AMN1: variants seen among roughly 807,000 people sequenced by gnomAD.
AMN1 encodes the protein antagonist of mitotic exit network 1 homolog.
AMN1 carries 20 observed loss-of-function variants against 33.0 expected under a neutral mutation model. That is an observed-to-expected ratio of 0.61 (90% CI 0.43 to 0.88). The LOEUF (loss-of-function observed/expected upper bound fraction) is 0.88, where lower values mean the gene tolerates loss of function less well. AMN1 is among the 40% of genes least tolerant of loss of function. The pLI, the probability that AMN1 is intolerant of heterozygous loss-of-function variation, is 0.00. For synonymous variants in AMN1, 114 were observed against 111.9 expected (o/e 1.02, Z -0.12); for missense variants, 246 against 307.4 (o/e 0.80, Z 1.49).
chr12:31,695,945 T>G (rs1233230525), intron 5 of AMN1, among the ~76,000 whole-genome samples: 1 of 152,028 alleles, frequency 6.6e-6, no homozygotes, highest in Non-Finnish European at 1.5e-5. Flanking sequence ...GTTGGCTTTT[T>G]AAAAAATGTA....
chr12:31,725,594 A>C (rs902264464), intron 1 of AMN1, among the ~76,000 whole-genome samples: 5 of 152,098 alleles, frequency 3.3e-5, no homozygotes, highest in Non-Finnish European at 7.4e-5. Context: ...TTTTCTCTCT[A>C]TAGCCCTCTT....
rs79382386 is a variant in AMN1 at position 31,712,706 on chromosome 12, A to G, written c.39-3281T>C. 2.0e-5 allele frequency among the ~76,000 whole-genome samples: 3 copies of G among 151,998 alleles called. No homozygotes were observed. The East Asian group carries it at 5.8e-4, about 29-fold the overall frequency. Reference sequence around the variant, plus strand: ...GAGTCTTGCTCTGTTGCCAGGCTGGAGTGCAGTGGCACAATCTCAGCTCAC... The same window carrying G: ...GAGTCTTGCTCTGTTGCCAGGCTGGGGTGCAGTGGCACAATCTCAGCTCAC... On this transcript the variant is annotated intron_variant, in intron 1 of 6. Transcript: ENST00000281471.
chr12:31,715,499 C>A (rs1302103118), intron 1 of AMN1: 3 of 179,286 alleles, frequency 1.7e-5, no homozygotes, highest in Non-Finnish European at 3.6e-5. Flanking sequence ...TTCTCTTCTG[C>A]TATTTCACTG....
intron 6 of AMN1, among the ~76,000 whole-genome samples, chr12:31,678,545 C>T (rs1937845649): frequency 6.6e-6 from 1 of 151,968 alleles, no homozygotes; most frequent in African/African-American, 2.4e-5. Flanking sequence ...TACAGGTGCC[C>T]ACCACCACAC....
chr12:31,705,783 A>G (rs1051183735), intron 2 of AMN1, among the ~76,000 whole-genome samples: 4 of 152,170 alleles, frequency 2.6e-5, no homozygotes, highest in Non-Finnish European at 5.9e-5. Context: ...TCCTGTGCAG[A>G]CAACATACAA....
At chr12:31,688,931 G>T in intron 6 of AMN1, 76 bp downstream of exon 6, 1 of 871,038 alleles carries the variant, frequency 1.1e-6, no homozygotes, top group Non-Finnish European at 1.8e-6. Flanking sequence ...TAATGAAATG[G>T]GTTAAGTAAT....
chr12:31,690,510 T>C (rs1938456415), intron 5 of AMN1, among the ~76,000 whole-genome samples: 1 of 152,212 alleles, frequency 6.6e-6, no homozygotes, highest in East Asian at 1.9e-4. Context: ...TAATCACAAA[T>C]GATGTTGAGC....
chr12:31,674,689 A>C (rs1338353892), intron 6 of AMN1, among the ~76,000 whole-genome samples: 5 of 152,116 alleles, frequency 3.3e-5, no homozygotes, highest in African/African-American at 4.8e-5. Context: ...TAATAGAACA[A>C]AGAACTAAAA....
intron 1 of AMN1, among the ~76,000 whole-genome samples, 178 bp from the exon 2 acceptor site, chr12:31,709,603 G>C (rs1276822199): frequency 6.6e-6 from 1 of 152,138 alleles, no homozygotes; most frequent in African/African-American, 2.4e-5. Flanking sequence ...AGGATGGCTT[G>C]AGCTCAGGAG....
intron 1 of AMN1, 78 bp downstream of exon 1, chr12:31,728,892 AG>A: frequency 6.9e-7 from 1 of 1,444,874 alleles, no homozygotes; most frequent in Non-Finnish European, 9.3e-7. Context: ...AGGGGCGGGG[AG>A]GAAGAGCAGC....
chr12:31,697,750 GAAA>G lies in AMN1; in HGVS notation c.521_523del (p.Phe174del), dbSNP rs1329503542. On this transcript the variant is annotated inframe_deletion, in exon 4 of 7. Coordinates refer to ENST00000281471, the MANE Select transcript of AMN1 (RefSeq NM_001113402.2). ...CTATATGTCATTTACCTGAGTAGCT[GAAA>G]AGTCGACACACTGCAAAAATGGGCA... The G allele has an allele frequency of 1.2e-6, 2 of 1,613,896 alleles. No homozygotes were observed. The highest frequency in any genetic ancestry group is 3.3e-5 in the Admixed American group (2 of 60,012).
intron 6 of AMN1, among the ~76,000 whole-genome samples, chr12:31,678,689 T>C (rs77121668): frequency 0.018 from 2,747 of 152,226 alleles, 74 homozygotes; most frequent in African/African-American, 0.062. Flanking sequence ...GCCACCACCG[T>C]GCCCGGCCAA....
intron 5 of AMN1, among the ~76,000 whole-genome samples, chr12:31,691,914 G>A (rs1165535912): frequency 6.6e-6 from 1 of 151,910 alleles, no homozygotes; most frequent in African/African-American, 2.4e-5. Flanking sequence ...TTTCATTCTT[G>A]TTGCCCAGGC....
At position 31,693,441 on chromosome 12, in the gene AMN1, G is replaced by A. The variant is rs531256132; in HGVS notation, c.591+3920C>T. Among the ~76,000 whole-genome samples the A allele has an allele frequency of 7.2e-5, 11 of 152,074 alleles. No homozygotes were observed. In the South Asian group the frequency reaches 1.0e-3, roughly 14 times the overall value. On this transcript the variant is annotated intron_variant, in intron 5 of 6. Coordinates refer to ENST00000281471, the MANE Select transcript of AMN1 (RefSeq NM_001113402.2). The stretch of plus-strand genomic sequence containing the variant: ...AGGTTTCTCCATGTTGGTCAGGCTC[G>A]TCTCTGAACTCCCAGCTTCATGTGA...
At chr12:31,722,481 C>T (rs1436571822) in intron 1 of AMN1, among the ~76,000 whole-genome samples, 1 of 152,120 alleles carries the variant, frequency 6.6e-6, no homozygotes, top group Non-Finnish European at 1.5e-5. Context: ...ACTCTACCTC[C>T]TTCACACTCT....
At chr12:31,678,723 A>AT (rs1305651742) in intron 6 of AMN1, among the ~76,000 whole-genome samples, 2 of 152,140 alleles carry the variant, frequency 1.3e-5, no homozygotes, top group South Asian at 2.1e-4. Context: ...TTAACAAAGT[A>AT]TTTTTTTCAA....
Position 31,687,144 on chromosome 12 carries a change from G to A in AMN1, c.703+1863C>T, listed in dbSNP as rs947944017. ...ACCCACCTTAGCCTCCCACAGTGCTGGGATTACAGGCATAAACCACTGCAC... is the reference window on the plus strand; with the variant it reads ...ACCCACCTTAGCCTCCCACAGTGCTAGGATTACAGGCATAAACCACTGCAC... On this transcript the variant is annotated intron_variant, in intron 6 of 6. Transcript: ENST00000281471. The surrounding 1 kb of genome is among the most constrained non-coding windows in gnomAD (Gnocchi z 4.1). Among the ~76,000 whole-genome samples the A allele has an allele frequency of 6.6e-6, 1 of 151,922 alleles. No homozygotes were observed. Among genetic ancestry groups the A allele is most frequent in the African/African-American group, 2.4e-5 (1 of 41,366 alleles).
At position 31,713,944 on chromosome 12, in the gene AMN1, A is replaced by G. The variant is rs142063870; in HGVS notation, c.39-4519T>C. Among the ~76,000 whole-genome samples the G allele has an allele frequency of 3.5e-4, 54 of 152,238 alleles. 1 individual carries two copies. The East Asian group carries it at 0.01, about 28-fold the overall frequency. On this transcript the variant is annotated intron_variant, in intron 1 of 6. Coordinates refer to ENST00000281471, the MANE Select transcript of AMN1 (RefSeq NM_001113402.2). ...ATCTCTGTTTGTAGAGACAATTACT[A>G]CCATAAAGTTTTAAAAATAGTTCCT...
rs1379552253 is a variant in AMN1 at position 31,728,995 on chromosome 12, C to T, written c.14G>A (p.Arg5Gln). The T allele has an allele frequency of 5.2e-6, 8 of 1,545,222 alleles. No homozygotes were observed. The highest frequency in any genetic ancestry group is 1.4e-5 in the African/African-American group (1 of 73,026). MPRP[R>Q]RVSQLLDLCL... The stretch of plus-strand genomic sequence containing the variant: ...CAGATCCAGGAGCTGACTGACCCGC[C>T]GTGGGCGAGGCATCGCTGCAGCGTC... The change falls in exon 1 of 7, where the codon CGG (arginine) becomes CAG (glutamine). Residue 5 changes from arginine (R) to glutamine (Q), a missense_variant. Arg to Gln is a conservative substitution (Grantham distance 43, BLOSUM62 1). Transcript: ENST00000281471.
Sources: gnomAD v4.1 joint callset for allele counts (sites outside exome capture counted in the v4.1 genomes callset) on GRCh38, gnomAD v4.1.1 for gene constraint, Gnocchi (gnomAD v3.1) non-coding constraint, MANE v1.5 for transcripts, NCBI Gene and HGNC (gene_info 2026-07-23, HGNC 2026-07-21) for gene names.